Variants in TMEM14C observed in about 807,000 individuals in gnomAD.
The protein encoded by TMEM14C is chromosome 6 open reading frame 53.
In TMEM14C, 13 loss-of-function variants were observed where a neutral mutation model predicts 14.8. The ratio of observed to expected loss-of-function variants is 0.88; its 90% CI spans 0.57 to 1.40. The LOEUF (loss-of-function observed/expected upper bound fraction) is 1.40. TMEM14C is among the 40% of genes most tolerant of loss of function. TMEM14C has a pLI of 0.00. For synonymous variants in TMEM14C, 57 were observed against 51.3 expected (o/e 1.11, Z -0.48); for missense variants, 142 against 138.8 (o/e 1.02, Z -0.12).
Position 10,728,696 on chromosome 6 carries a change from T to C in TMEM14C, c.256T>C (p.Phe86Leu). ...AATGAGGTTCTACCACTCTGGAAAA[T>C]TCATGCCTGCAGGTTTAATTGCAGG... ...MGMRFYHSGKFMPAGLIAGAS... is the reference protein window; with the variant it reads ...MGMRFYHSGKLMPAGLIAGAS... The change falls in exon 5 of 6, where the codon TTC (phenylalanine) becomes CTC (leucine). Residue 86 changes from phenylalanine to leucine, a missense_variant. Phe to Leu is a conservative substitution (Grantham distance 22). Transcript: ENST00000229563. 1 of 1,614,238 alleles carries C rather than the reference T, an allele frequency of 6.2e-7. No homozygotes were observed. The highest frequency in any genetic ancestry group is 8.5e-7 in the Non-Finnish European group (1 of 1,180,046).
chr6:10,730,938 T>C lies in TMEM14C; in HGVS notation c.*272T>C, dbSNP rs1026069134. On this transcript the variant is annotated 3_prime_UTR_variant, in exon 6 of 6. Coordinates refer to ENST00000229563, the MANE Select transcript of TMEM14C (RefSeq NM_016462.4). ...TTTTCTTTCTGTATCTGTAGGTAAA[T>C]CTCAAGGGTAAAATGTTAGGTGTCA... The C allele has an allele frequency of 1.9e-6, 2 of 1,081,004 alleles. No homozygotes were observed. The highest frequency in any genetic ancestry group is 2.2e-6 in the Non-Finnish European group (2 of 891,464). The allele number at this position is 1,081,004 out of a possible 1,614,324, so 67.0% of individuals were successfully genotyped here. A position where few individuals can be genotyped will look rare whatever the true frequency, so the allele number is the denominator to read the frequency against.
Position 10,730,597 on chromosome 6 carries a change from C to T in TMEM14C, c.288-18C>T. 6.2e-7 allele frequency: 1 copy of T among 1,610,948 alleles called. No homozygotes were observed. The highest frequency in any genetic ancestry group is 8.5e-7 in the Non-Finnish European group (1 of 1,178,036). The stretch of plus-strand genomic sequence containing the variant: ...CTGTCCTTTACCTGACATTTTCTAT[C>T]TTGTTTCTTTTAAACAGTTTGCTGA... On this transcript the variant is annotated intron_variant, in intron 5 of 5. Coordinates refer to ENST00000229563, the MANE Select transcript of TMEM14C (RefSeq NM_016462.4).
intron 1 of TMEM14C, 100 bp from the exon 2 acceptor site, chr6:10,724,470 C>A: frequency 1.3e-6 from 1 of 744,620 alleles, no homozygotes; most frequent in Non-Finnish European, 2.3e-6. Flanking sequence ...GTGAAGAATA[C>A]TGAGACTTAG....
rs541757024 is a variant in TMEM14C at position 10,730,000 on chromosome 6, A to G, written c.288-615A>G. Reference sequence around the variant, plus strand: ...GTAATCACAGCTACTTGGGACACTGAGTCAGGAAAATCTCTTGAACCTGGG... The same window carrying G: ...GTAATCACAGCTACTTGGGACACTGGGTCAGGAAAATCTCTTGAACCTGGG... On this transcript the variant is annotated intron_variant, in intron 5 of 5. Transcript: ENST00000229563. 2.0e-5 allele frequency among the ~76,000 whole-genome samples: 3 copies of G among 152,232 alleles called. No individual in the cohort carries two copies. The South Asian group carries it at 6.2e-4, about 32-fold the overall frequency.
At chr6:10,727,627 C>T (rs1164150905) in intron 4 of TMEM14C, among the ~76,000 whole-genome samples, 1 of 151,962 alleles carries the variant, frequency 6.6e-6, no homozygotes, top group Non-Finnish European at 1.5e-5. Context: ...TTTGAGACCA[C>T]CGTAGGCAAC....
intron 4 of TMEM14C, among the ~76,000 whole-genome samples, chr6:10,727,171 G>A (rs1024114310): frequency 6.6e-6 from 1 of 152,096 alleles, no homozygotes; most frequent in Non-Finnish European, 1.5e-5. Flanking sequence ...GCCTCCCCTC[G>A]TCCTGTTTCC....
rs1771004796 is a variant in TMEM14C at position 10,730,883 on chromosome 6, A to T, written c.*217A>T. ...CACAAGAGCTTAATAAGACCCTCAT[A>T]GAGCTTGATTCTTGTATATTGATGT... is the stretch of plus-strand genomic sequence containing the variant. On this transcript the variant is annotated 3_prime_UTR_variant, in exon 6 of 6. Coordinates refer to ENST00000229563, the MANE Select transcript of TMEM14C (RefSeq NM_016462.4). 2.5e-6 allele frequency: 3 copies of T among 1,217,360 alleles called. No homozygotes were observed. The highest frequency in any genetic ancestry group is 7.6e-5 in the Admixed American group (2 of 26,206). The allele number at this position is 1,217,360 out of a possible 1,614,324, so 75.4% of individuals were successfully genotyped here.
chr6:10,730,570 T>C, intron 5 of TMEM14C, 45 bp from the exon 6 acceptor site: 6 of 1,597,594 alleles, frequency 3.8e-6, no homozygotes, highest in South Asian at 1.1e-5. Context: ...TAGTTGCCTG[T>C]TCTGTCCTTT....
chr6:10,728,787 C>T (rs2153073), intron 5 of TMEM14C, 60 bp downstream of exon 5: 967,200 of 1,610,080 alleles, frequency 0.6, 295,974 homozygotes, highest in Non-Finnish European at 0.63. Context: ...CCCAGGATAC[C>T]TTATGCATTC....
chr6:10,724,931 A>G (rs1461241254), intron 2 of TMEM14C, 30 bp from the exon 3 acceptor site: 1 of 1,613,432 alleles, frequency 6.2e-7, no homozygotes, highest in South Asian at 1.1e-5. Flanking sequence ...AAGCCAGGTT[A>G]GCACTGACTT....
intron 4 of TMEM14C, among the ~76,000 whole-genome samples, chr6:10,727,500 G>A (rs950879349): frequency 2.6e-5 from 4 of 151,684 alleles, no homozygotes; most frequent in Admixed American, 2.0e-4. Context: ...CAACATGCCC[G>A]GCTAATTTTT....
In TMEM14C at chr6:10,728,946, A is replaced by C. The variant is rs1363103069; in HGVS notation, c.287+219A>C. On this transcript the variant is annotated intron_variant, in intron 5 of 5. Transcript: ENST00000229563. ...TCACCGTGGAAATGGGTTTGTTCTC[A>C]TATTTGCTTTCCAGTCCATCCAAAC... 2.6e-6 allele frequency: 3 copies of C among 1,153,346 alleles called. No homozygotes were observed. The South Asian group carries it at 4.6e-5, about 18-fold the overall frequency. 71.4% of individuals were successfully genotyped at this position (1,153,346 alleles called of 1,614,324 possible).
At chr6:10,724,286 T>C (rs779702322) in intron 1 of TMEM14C, 3 of 294,148 alleles carry the variant, frequency 1.0e-5, no homozygotes, top group Non-Finnish European at 1.9e-5. Flanking sequence ...TTAGAGCTGG[T>C]CAGTGGATCT....
intron 4 of TMEM14C, among the ~76,000 whole-genome samples, chr6:10,726,665 T>C (rs998091567): frequency 5.3e-5 from 8 of 152,292 alleles, no homozygotes; most frequent in Middle Eastern, 3.4e-3. Flanking sequence ...CACTCCAGCC[T>C]GGGCGACAGA....
chr6:10,730,875 A>G lies in TMEM14C; in HGVS notation c.*209A>G. On this transcript the variant is annotated 3_prime_UTR_variant, in exon 6 of 6. Transcript: ENST00000229563. ...GTATGTAACACAAGAGCTTAATAAG[A>G]CCCTCATAGAGCTTGATTCTTGTAT... The G allele has an allele frequency of 8.1e-7, 1 of 1,235,798 alleles. No homozygotes were observed. Among genetic ancestry groups the G allele is most frequent in the Non-Finnish European group, 1.0e-6 (1 of 983,650 alleles). The allele number at this position is 1,235,798 out of a possible 1,614,324, so 76.6% of individuals were successfully genotyped here. A position where few individuals can be genotyped will look rare whatever the true frequency, so the allele number is the denominator to read the frequency against.
intron 4 of TMEM14C, among the ~76,000 whole-genome samples, chr6:10,726,863 G>C (rs555587640): frequency 6.6e-6 from 1 of 152,100 alleles, no homozygotes; most frequent in African/African-American, 2.4e-5. Context: ...GGTTCCTTGC[G>C]GTCTCTACAA....
chr6:10,725,359 G>A (rs1437437746), intron 3 of TMEM14C, among the ~76,000 whole-genome samples: 1 of 152,178 alleles, frequency 6.6e-6, no homozygotes, highest in Non-Finnish European at 1.5e-5. Flanking sequence ...TCAAGTAGGA[G>A]GAAACCTCTG....
At chr6:10,728,323 A>G (rs899373148) in intron 4 of TMEM14C, among the ~76,000 whole-genome samples, 1 of 145,630 alleles carries the variant, frequency 6.9e-6, no homozygotes, top group Non-Finnish European at 1.5e-5. Context: ...TAGCGTCTGC[A>G]GGGCGTGAGA....
At position 10,728,599 on chromosome 6, in the gene TMEM14C, A is replaced by G. The variant is rs774235951; in HGVS notation, c.200-41A>G. ...CACTTCTGATTCCCCTGCGTAGAAG[A>G]TGTAATGAGTTTTAACACTTCTTTA... is the stretch of plus-strand genomic sequence containing the variant. On this transcript the variant is annotated intron_variant, in intron 4 of 5. Coordinates refer to ENST00000229563, the MANE Select transcript of TMEM14C (RefSeq NM_016462.4). 3.1e-6 allele frequency: 5 copies of G among 1,600,404 alleles called. No individual in the cohort carries two copies. In the African/African-American group the frequency reaches 5.4e-5, roughly 17 times the overall value.
Sources: gnomAD v4.1 joint callset for allele counts (sites outside exome capture counted in the v4.1 genomes callset) on GRCh38, gnomAD v4.1.1 for gene constraint, MANE v1.5 for transcripts, NCBI Gene and HGNC (gene_info 2026-07-23, HGNC 2026-07-21) for gene names.